The following SLC38A6 variants were observed in gnomAD, a reference collection of about 807,000 sequenced individuals.
SLC38A6 encodes the protein solute carrier family 38 member 6, also known as N system amino acid transporter NAT-1.
SLC38A6 carries 73 observed loss-of-function variants against 65.0 expected under a neutral mutation model. The ratio of observed to expected loss-of-function variants is 1.12; its 90% CI spans 0.93 to 1.37. SLC38A6 has a LOEUF of 1.37. SLC38A6 is among the 40% of genes most tolerant of loss of function. The probability of loss-of-function intolerance (pLI) is 0.00; values close to 1 mark genes in which losing one functional copy is unlikely to be tolerated. For synonymous variants in SLC38A6, 183 were observed against 178.8 expected, an observed-to-expected ratio of 1.02 and a Z score of -0.19; for missense variants, 561 against 531.1, an observed-to-expected ratio of 1.06 and a Z score of -0.55.
At chr14:61,071,892 A>G (rs2043240024) in intron 15 of SLC38A6, among the ~76,000 whole-genome samples, 1 of 152,168 alleles carries the variant, frequency 6.6e-6, no homozygotes, top group African/African-American at 2.4e-5. Flanking sequence ...ATATTTGTTA[A>G]ATCTTGTGTA....
intron 12 of SLC38A6, among the ~76,000 whole-genome samples, chr14:61,046,456 T>C (rs1166716953): frequency 6.6e-6 from 1 of 152,222 alleles, no homozygotes; most frequent in Non-Finnish European, 1.5e-5. Flanking sequence ...AATGTGCAAT[T>C]TTAATGATTC....
chr14:61,034,721 T>C (rs1002889821), intron 6 of SLC38A6, among the ~76,000 whole-genome samples: 3 of 152,172 alleles, frequency 2.0e-5, no homozygotes, highest in South Asian at 2.1e-4. Flanking sequence ...TGTGTACTCT[T>C]TTAGTACTTC....
chr14:61,030,373 C>A, intron 5 of SLC38A6, 72 bp from the exon 6 acceptor site: 3 of 1,151,288 alleles, frequency 2.6e-6, no homozygotes, highest in Non-Finnish European at 3.7e-6. Flanking sequence ...CATCTCTTTT[C>A]CTAGATGGAT....
intron 3 of SLC38A6, among the ~76,000 whole-genome samples, chr14:61,009,335 A>G (rs576153624): frequency 6.6e-5 from 10 of 152,162 alleles, no homozygotes; most frequent in Non-Finnish European, 1.5e-4. Context: ...GCATGTTGAC[A>G]TTGTTTACCT....
At chr14:61,078,840 A>G in exon 16 of SLC38A6, 1 of 215,804 alleles carries the variant, frequency 4.6e-6, no homozygotes, top group Non-Finnish European at 9.2e-6. Flanking sequence ...GTTGGCGTGC[A>G]GTGGTGTGAT....
At chr14:60,991,042 A>G (rs1396894304) in intron 3 of SLC38A6, among the ~76,000 whole-genome samples, 10 of 152,140 alleles carry the variant, frequency 6.6e-5, no homozygotes, top group African/African-American at 1.4e-4. Flanking sequence ...TTCAGTTACT[A>G]TTACCACCAT....
At position 61,083,626 on chromosome 14, in the gene SLC38A6, C is replaced by T. The variant is rs2140016488; in HGVS notation, c.1480C>T (p.Gln494Ter). 1 of 1,550,486 alleles carries T rather than the reference C, an allele frequency of 6.4e-7. No individual in the cohort carries two copies. The highest frequency in any genetic ancestry group is 8.7e-7 in the Non-Finnish European group (1 of 1,146,934). The change falls in exon 17 of 17, where the codon CAA becomes TAA. Residue 494 changes from glutamine to a stop codon, truncating the protein, a stop_gained. Coordinates refer to the SLC38A6 transcript ENST00000354886. LOFTEE classifies it low-confidence loss of function (END_TRUNC). Reference sequence around the variant, plus strand: ...GACACAGCAAGAAGGCAACTGTTTACAAGCCAAGGGAAGAGGCCTCAGGAG... The same window carrying T: ...GACACAGCAAGAAGGCAACTGTTTATAAGCCAAGGGAAGAGGCCTCAGGAG...
intron 6 of SLC38A6, among the ~76,000 whole-genome samples, chr14:61,031,395 T>C (rs773095339): frequency 6.6e-6 from 1 of 152,122 alleles, no homozygotes; most frequent in Non-Finnish European, 1.5e-5. Flanking sequence ...TTTTTAGCTT[T>C]TACATTTCAG....
rs568492206 is a variant in SLC38A6, at chr14:61,019,675, G to A, written c.403+95G>A. ...ACTACAGATCTAGCTGGGAACTTCT[G>A]TAGACATAGCTATCTTCAGAAGCCT... On this transcript the variant is annotated intron_variant, in intron 5 of 15. Coordinates refer to ENST00000267488, the MANE Select transcript of SLC38A6 (RefSeq NM_153811.3). 896 of 1,291,224 alleles carry A rather than the reference G, an allele frequency of 6.9e-4. 5 individuals are homozygous for A. The highest frequency in any genetic ancestry group is 9.6e-5 in the Non-Finnish European group (86 of 895,298). 80.0% of individuals were successfully genotyped at this position (1,291,224 alleles called of 1,614,324 possible). A position where few individuals can be genotyped will look rare whatever the true frequency, so the allele number is the denominator to read the frequency against.
rs1359301097 is a variant in SLC38A6, at chr14:61,040,526, A to T, written c.625-2621A>T. Among the ~76,000 whole-genome samples the T allele has an allele frequency of 3.3e-5, 5 of 152,072 alleles. No individual in the cohort carries two copies. The East Asian group carries it at 9.7e-4, about 29-fold the overall frequency. On this transcript the variant is annotated intron_variant, in intron 8 of 15. Coordinates refer to ENST00000267488, the MANE Select transcript of SLC38A6 (RefSeq NM_153811.3). ...GGCTAATTTTTTGTATTTTTAGTAG[A>T]GACAGGGTTTGACCGTGTTAGCCAG...
intron 3 of SLC38A6, among the ~76,000 whole-genome samples, chr14:61,007,897 A>G (rs2039269190): frequency 1.3e-5 from 2 of 152,184 alleles, no homozygotes; most frequent in South Asian, 2.1e-4. Context: ...TAAGAATATT[A>G]AAGATTTGTT....
intron 6 of SLC38A6, chr14:61,033,883 AT>A (rs2041169008): frequency 6.6e-6 from 1 of 152,178 alleles, no homozygotes; most frequent in South Asian, 2.1e-4. Context: ...ATTTTACAGT[AT>A]AATTATTTTT....
chr14:60,993,630 A>G (rs1006552816), intron 3 of SLC38A6, among the ~76,000 whole-genome samples: 1 of 152,228 alleles, frequency 6.6e-6, no homozygotes, highest in African/African-American at 2.4e-5. Flanking sequence ...CTCCTGCCCA[A>G]GAGAAAAGAC....
At chr14:61,043,549 C>G (rs1391176045) in intron 10 of SLC38A6, 46 bp downstream of exon 10, 2 of 1,460,540 alleles carry the variant, frequency 1.4e-6, no homozygotes, top group African/African-American at 2.8e-5. Context: ...TTTCACATTT[C>G]AAGTTTTAAG....
At chr14:61,003,412 T>C (rs1259141536) in intron 3 of SLC38A6, among the ~76,000 whole-genome samples, 2 of 152,184 alleles carry the variant, frequency 1.3e-5, no homozygotes, top group African/African-American at 2.4e-5. Context: ...GCATTTAGGT[T>C]AGTTTTGTTT....
chr14:61,026,814 AC>A (rs2040637904), intron 5 of SLC38A6, among the ~76,000 whole-genome samples: 1 of 152,034 alleles, frequency 6.6e-6, no homozygotes, highest in Non-Finnish European at 1.5e-5. Context: ...TATGTACCTC[AC>A]AGGTTTGTGT....
At chr14:61,011,165 G>C (rs920462229) in intron 3 of SLC38A6, among the ~76,000 whole-genome samples, 1 of 152,162 alleles carries the variant, frequency 6.6e-6, no homozygotes, top group African/African-American at 2.4e-5. Flanking sequence ...ATTCACTCAT[G>C]ATTTGGCTCT....
chr14:61,051,172 T>C (rs1471493035), intron 13 of SLC38A6, among the ~76,000 whole-genome samples: 2 of 152,160 alleles, frequency 1.3e-5, no homozygotes, highest in African/African-American at 2.4e-5. Flanking sequence ...GAACAAAGGC[T>C]TTGGGTATAA....
intron 3 of SLC38A6, among the ~76,000 whole-genome samples, chr14:60,989,726 A>G (rs2037718788): frequency 6.6e-6 from 1 of 152,148 alleles, no homozygotes; most frequent in African/African-American, 2.4e-5. Flanking sequence ...CCCTGTCTCC[A>G]AAAAGAAAAA....
Sources: allele counts gnomAD v4.1 joint callset (sites outside exome capture counted in the v4.1 genomes callset), GRCh38; gene constraint gnomAD v4.1.1; transcripts MANE v1.5; gene names NCBI Gene and HGNC (gene_info 2026-07-23, HGNC 2026-07-21).